Variants in FHIT observed in about 807,000 individuals in gnomAD.
FHIT encodes fragile histidine triad diadenosine triphosphatase, also known as bis(5'-adenosyl)-triphosphatase.
Under a neutral mutation model 17.9 loss-of-function variants are expected in FHIT, and 19 were observed. The ratio of observed to expected loss-of-function variants is 1.06; its 90% CI spans 0.74 to 1.56. FHIT has a LOEUF of 1.56. Ranked by LOEUF, FHIT falls within the 40% of genes most tolerant of loss-of-function variation. FHIT has a pLI of 0.00. For synonymous variants in FHIT, 81 were observed against 69.7 expected, an observed-to-expected ratio of 1.16 and a Z score of -0.81; for missense variants, 248 against 189.2, an observed-to-expected ratio of 1.31 and a Z score of -1.82.
intron 5 of FHIT, among the ~76,000 whole-genome samples, chr3:60,403,241 T>G (rs1017237763): frequency 6.6e-6 from 1 of 152,202 alleles, no homozygotes; most frequent in East Asian, 1.9e-4. Context: ...ATTAGTAGGT[T>G]TGTCTTCATG....
At chr3:60,952,899 CTTCT>C (rs1708951286) in intron 3 of FHIT, among the ~76,000 whole-genome samples, 1 of 152,214 alleles carries the variant, frequency 6.6e-6, no homozygotes, top group Admixed American at 6.5e-5. Flanking sequence ...GGTTTTGCCA[CTTCT>C]TTGAGTCTTC....
At chr3:59,961,048 G>A (rs559281416) in intron 7 of FHIT, among the ~76,000 whole-genome samples, 2 of 152,210 alleles carry the variant, frequency 1.3e-5, no homozygotes, top group Non-Finnish European at 2.9e-5. Context: ...GTGGTTTGCG[G>A]ATGAGGGGAC....
At chr3:60,719,036 A>T (rs1259822869) in intron 4 of FHIT, among the ~76,000 whole-genome samples, 1 of 152,206 alleles carries the variant, frequency 6.6e-6, no homozygotes, top group Non-Finnish European at 1.5e-5. Context: ...AGAACAATCT[A>T]GATGCCACAG....
In FHIT at chr3:59,882,563, T is replaced by A. The variant is rs1279793903; in HGVS notation, c.348+39783A>T. Among the ~76,000 whole-genome samples the A allele has an allele frequency of 2.6e-5, 4 of 152,302 alleles. No homozygotes were observed. In the East Asian group the frequency reaches 7.7e-4, roughly 29 times the overall value. ...ACATTATCTCAATCAAAGAGATAAC[T>A]TTCACATCCCTACAAAGCAAATGTT... On this transcript the variant is annotated intron_variant, in intron 8 of 9. Coordinates refer to ENST00000492590, the MANE Select transcript of FHIT (RefSeq NM_002012.4).
intron 8 of FHIT, among the ~76,000 whole-genome samples, chr3:59,916,872 G>A (rs909816462): frequency 1.3e-5 from 2 of 152,212 alleles, no homozygotes; most frequent in African/African-American, 4.8e-5. Flanking sequence ...TATTCTGAGT[G>A]AGAGACACCA....
intron 1 of FHIT, among the ~76,000 whole-genome samples, chr3:61,249,967 CACACACACACACACACACACACAA>C (rs1191233400): frequency 1.3e-4 from 20 of 150,906 alleles, no homozygotes; most frequent in African/African-American, 4.9e-4. Flanking sequence ...CACACACACA[CACACACACACACACACACACACAA>C]ACCCTAGACT....
intron 1 of FHIT, among the ~76,000 whole-genome samples, chr3:61,238,963 G>C (rs1042322777): frequency 1.3e-5 from 2 of 152,186 alleles, no homozygotes; most frequent in African/African-American, 2.4e-5. Flanking sequence ...AGAACCTAGT[G>C]AAGGAAATGA....
chr3:59,748,441 C>A lies in FHIT; in HGVS notation c.*1144G>T, dbSNP rs535035266. On this transcript the variant is annotated 3_prime_UTR_variant, in exon 10 of 10. Coordinates refer to ENST00000492590, the MANE Select transcript of FHIT (RefSeq NM_002012.4). ...TGATCTGAGAATCTTGCAAGTAGAA[C>A]CAAGTTGGTTGGGGAAATCCAGGCC... Among the ~76,000 whole-genome samples the A allele has an allele frequency of 1.3e-5, 2 of 152,108 alleles. No individual in the cohort carries two copies. Among genetic ancestry groups the A allele is most frequent in the South Asian group, 4.2e-4 (2 of 4,802 alleles).
intron 4 of FHIT, among the ~76,000 whole-genome samples, chr3:60,781,470 G>C (rs1387268456): frequency 3.8e-5 from 5 of 132,602 alleles, no homozygotes; most frequent in Non-Finnish European, 6.5e-5. Context: ...GATTAGTAAG[G>C]AGGTTAATAT....
At chr3:61,084,876 GC>G (rs1477815055) in intron 2 of FHIT, among the ~76,000 whole-genome samples, 5 of 152,134 alleles carry the variant, frequency 3.3e-5, no homozygotes, top group African/African-American at 1.2e-4. Context: ...CTGTAGTTTT[GC>G]CCTTTCTAAA....
At chr3:60,000,489 T>A (rs186390919) in intron 7 of FHIT, among the ~76,000 whole-genome samples, 2 of 152,316 alleles carry the variant, frequency 1.3e-5, no homozygotes, top group Admixed American at 6.5e-5. Context: ...TCTGGCCTTT[T>A]ACAAAAGAAG....
At chr3:60,231,515 T>G (rs1704495843) in intron 5 of FHIT, among the ~76,000 whole-genome samples, 1 of 152,146 alleles carries the variant, frequency 6.6e-6, no homozygotes, top group Non-Finnish European at 1.5e-5. Context: ...TTCCACATCT[T>G]ACATATGTGG....
In FHIT at chr3:61,151,403, T is replaced by C. The variant is rs955910268; in HGVS notation, c.-164+49214A>G. Among the ~76,000 whole-genome samples the C allele has an allele frequency of 2.0e-5, 3 of 152,182 alleles. No homozygotes were observed. In the East Asian group the frequency reaches 5.8e-4, roughly 29 times the overall value. On this transcript the variant is annotated intron_variant, in intron 2 of 9. Coordinates refer to ENST00000492590, the MANE Select transcript of FHIT (RefSeq NM_002012.4). ...CTCTACCTCAAAACTGCATTATTTA[T>C]CTTAGCATGTTAGCTCTACTTCAAC...
chr3:61,045,454 A>G (rs941505861), intron 2 of FHIT, among the ~76,000 whole-genome samples: 4 of 152,208 alleles, frequency 2.6e-5, no homozygotes, highest in Non-Finnish European at 4.4e-5. Flanking sequence ...CTAAATATAT[A>G]TGCACCCAAT....
At chr3:61,201,592 C>G (rs1406043659) in intron 1 of FHIT, among the ~76,000 whole-genome samples, 1 of 151,940 alleles carries the variant, frequency 6.6e-6, no homozygotes, top group Non-Finnish European at 1.5e-5. Flanking sequence ...GGGCTGTTTC[C>G]CTCCACATCC....
chr3:60,729,674 C>T (rs2041989142), intron 4 of FHIT, among the ~76,000 whole-genome samples: 1 of 152,044 alleles, frequency 6.6e-6, no homozygotes, highest in African/African-American at 2.4e-5. Flanking sequence ...GCAGTCATTT[C>T]AGTAAAGTAC....
At chr3:61,207,442 C>T (rs534571421) in intron 1 of FHIT, among the ~76,000 whole-genome samples, 1 of 152,308 alleles carries the variant, frequency 6.6e-6, no homozygotes, top group East Asian at 1.9e-4. Flanking sequence ...GTGAATCCAT[C>T]TGGTCCTGGA....
intron 3 of FHIT, among the ~76,000 whole-genome samples, chr3:60,839,402 T>C (rs1702642354): frequency 6.6e-6 from 1 of 152,216 alleles, no homozygotes; most frequent in Non-Finnish European, 1.5e-5. Context: ...TCAGTGTCTC[T>C]GTGACCAGTG....
At chr3:60,292,545 T>C (rs1422525595) in intron 5 of FHIT, among the ~76,000 whole-genome samples, 3 of 152,184 alleles carry the variant, frequency 2.0e-5, no homozygotes, top group African/African-American at 4.8e-5. Context: ...AAGAAAGCCT[T>C]AGAAGCCAGG....
Sources: gnomAD v4.1 joint callset for allele counts (sites outside exome capture counted in the v4.1 genomes callset) on GRCh38, gnomAD v4.1.1 for gene constraint, MANE v1.5 for transcripts, NCBI Gene and HGNC (gene_info 2026-07-23, HGNC 2026-07-21) for gene names.